AUTS2: variants seen among roughly 807,000 people sequenced by gnomAD.
AUTS2 encodes the protein autism susceptibility gene 2 protein.
In AUTS2, 17 loss-of-function variants were observed where a neutral mutation model predicts 112.4. The ratio of observed to expected loss-of-function variants is 0.15; its 90% CI spans 0.10 to 0.23. AUTS2 has a LOEUF of 0.23. Among genes scored for constraint, AUTS2 ranks in the 10% least tolerant of loss-of-function variants. AUTS2 has a pLI of 1.00. For synonymous variants in AUTS2, 751 were observed against 702.7 expected, an observed-to-expected ratio of 1.07 and a Z score of -1.09; for missense variants, 1,510 against 1,701.6, an observed-to-expected ratio of 0.89 and a Z score of 1.98.
intron 2 of AUTS2, among the ~76,000 whole-genome samples, chr7:70,035,322 AG>A (rs1449691751): frequency 1.3e-5 from 2 of 152,170 alleles, no homozygotes; most frequent in African/African-American, 4.8e-5. Flanking sequence ...TAATCTGGAA[AG>A]GGGGGAAATA....
chr7:70,253,384 C>T (rs923451124), intron 4 of AUTS2, among the ~76,000 whole-genome samples: 3 of 152,094 alleles, frequency 2.0e-5, no homozygotes, highest in African/African-American at 4.8e-5. Context: ...ATATACTTAG[C>T]GTGTCTGAAA....
intron 1 of AUTS2, among the ~76,000 whole-genome samples, chr7:69,655,945 G>A (rs1795511217): frequency 6.6e-6 from 1 of 152,148 alleles, no homozygotes; most frequent in African/African-American, 2.4e-5. Flanking sequence ...AGAGGCATGG[G>A]GACAGAAACC....
chr7:69,628,384 G>T (rs1794064052), intron 1 of AUTS2, among the ~76,000 whole-genome samples: 1 of 152,172 alleles, frequency 6.6e-6, no homozygotes, highest in South Asian at 2.1e-4. Flanking sequence ...GTAGCTTCTA[G>T]CAATAGTGGA....
At chr7:69,643,373 G>A (rs1294653694) in intron 1 of AUTS2, 2 of 153,542 alleles carry the variant, frequency 1.3e-5, no homozygotes, top group Admixed American at 6.5e-5. Flanking sequence ...AGGAGGCAAG[G>A]GTCATGGGGG....
At chr7:70,419,164 G>A (rs1795111658) in intron 4 of AUTS2, among the ~76,000 whole-genome samples, 1 of 151,998 alleles carries the variant, frequency 6.6e-6, no homozygotes, top group East Asian at 1.9e-4. Context: ...ACTTCCCTAT[G>A]ACTGTGATCA....
chr7:70,681,680 G>T (rs1808219815), intron 5 of AUTS2, among the ~76,000 whole-genome samples: 1 of 152,080 alleles, frequency 6.6e-6, no homozygotes, highest in Non-Finnish European at 1.5e-5. Context: ...GACCTACAGA[G>T]AAAGCTGAGG....
intron 2 of AUTS2, among the ~76,000 whole-genome samples, chr7:69,904,567 A>G (rs2129541247): frequency 6.6e-6 from 1 of 152,310 alleles, no homozygotes; most frequent in Middle Eastern, 3.4e-3. Context: ...GCTCTTTCAT[A>G]CATACTTTTG....
At chr7:70,637,557 C>T (rs959626244) in intron 5 of AUTS2, among the ~76,000 whole-genome samples, 3 of 152,108 alleles carry the variant, frequency 2.0e-5, no homozygotes, top group African/African-American at 7.2e-5. Flanking sequence ...TTGGGCAAGT[C>T]GAAGAGTCCA....
intron 5 of AUTS2, among the ~76,000 whole-genome samples, chr7:70,495,681 C>G (rs1585215198): frequency 6.9e-5 from 6 of 87,464 alleles, no homozygotes; most frequent in Admixed American, 1.0e-4. Context: ...CCCACTCACA[C>G]ACACCACGTA....
At chr7:70,112,056 A>G (rs1370367105) in intron 2 of AUTS2, among the ~76,000 whole-genome samples, 2 of 151,702 alleles carry the variant, frequency 1.3e-5, no homozygotes, top group African/African-American at 4.8e-5. Context: ...GTTCATTTCA[A>G]TCTTTATAAT....
chr7:70,441,528 G>A (rs1312916908), intron 5 of AUTS2, among the ~76,000 whole-genome samples: 1 of 152,110 alleles, frequency 6.6e-6, no homozygotes, highest in Non-Finnish European at 1.5e-5. Flanking sequence ...TGGGACTACA[G>A]GTGTGTACCA....
At chr7:69,622,802 T>G (rs1169169330) in intron 1 of AUTS2, among the ~76,000 whole-genome samples, 1 of 152,212 alleles carries the variant, frequency 6.6e-6, no homozygotes, top group Non-Finnish European at 1.5e-5. Context: ...TTGTTTGTAG[T>G]TGGTAAGAGA....
At chr7:70,197,906 AAGAC>A (rs1384934201) in intron 4 of AUTS2, among the ~76,000 whole-genome samples, 4 of 16,614 alleles carry the variant, frequency 2.4e-4, no homozygotes, top group Admixed American at 5.6e-4. Context: ...GACAAACAAA[AAGAC>A]AGCAGTAACC....
At chr7:70,488,769 C>T (rs117675278) in intron 5 of AUTS2, among the ~76,000 whole-genome samples, 7,204 of 152,152 alleles carry the variant, frequency 0.047, 234 homozygotes, top group Non-Finnish European at 0.073. Flanking sequence ...AGGGAAGACG[C>T]GTATCCCTTC....
chr7:70,015,830 G>A (rs1308590518), intron 2 of AUTS2, among the ~76,000 whole-genome samples: 1 of 150,464 alleles, frequency 6.6e-6, no homozygotes, highest in African/African-American at 2.5e-5. Context: ...GCATCCAGTG[G>A]CCACCTAGTT....
intron 2 of AUTS2, among the ~76,000 whole-genome samples, chr7:70,109,818 G>T (rs1161081122): frequency 6.6e-6 from 1 of 152,156 alleles, no homozygotes; most frequent in Non-Finnish European, 1.5e-5. Flanking sequence ...CGTCCCTCAG[G>T]TTAGCCTTAG....
In AUTS2 at chr7:69,599,801, T is replaced by A. The variant is rs771784577; in HGVS notation, c.148T>A (p.Ser50Thr). ...AGRTRALSLASSSGSDKEDNG... is the reference protein window; with the variant it reads ...AGRTRALSLATSSGSDKEDNG... The stretch of plus-strand genomic sequence containing the variant: ...CCGGACCCGGGCGCTCTCACTCGCC[T>A]CGTCGTCGGGCTCCGACAAGGAAGA... Residue 50 changes from serine to threonine, a missense_variant, in exon 1 of 19, where the codon TCG becomes ACG. Ser to Thr is a moderately conservative substitution (Grantham distance 58, BLOSUM62 1). Coordinates refer to ENST00000342771, the MANE Select transcript of AUTS2 (RefSeq NM_015570.4). This position sits in a 1 kb window ranked among gnomAD's most constrained non-coding sequence, Gnocchi z 7.0. The A allele has an allele frequency of 1.3e-6, 2 of 1,591,012 alleles. No homozygotes were observed. The highest frequency in any genetic ancestry group is 1.7e-6 in the Non-Finnish European group (2 of 1,170,052).
chr7:70,168,221 G>A (rs1808482707), intron 4 of AUTS2, among the ~76,000 whole-genome samples: 1 of 152,148 alleles, frequency 6.6e-6, no homozygotes, highest in Non-Finnish European at 1.5e-5. Flanking sequence ...ATGTGAATTG[G>A]TTCTTCAGAT....
intron 4 of AUTS2, among the ~76,000 whole-genome samples, chr7:70,372,967 T>A (rs1792908426): frequency 6.6e-6 from 1 of 152,100 alleles, no homozygotes; most frequent in Non-Finnish European, 1.5e-5. Context: ...TGCATATTGT[T>A]ATGAGCTGCT....
Sources: allele counts gnomAD v4.1 joint callset (sites outside exome capture counted in the v4.1 genomes callset), GRCh38; gene constraint gnomAD v4.1.1; non-coding constraint Gnocchi (gnomAD v3.1); transcripts MANE v1.5; gene names NCBI Gene and HGNC (gene_info 2026-07-23, HGNC 2026-07-21).